The following ANKRD26 variants were observed in gnomAD, a reference collection of about 807,000 sequenced individuals.
ANKRD26 encodes ankyrin repeat domain-containing protein 26.
In ANKRD26, 141 loss-of-function variants were observed where a neutral mutation model predicts 208.7. That is an observed-to-expected ratio of 0.68 (90% CI 0.59 to 0.78). The LOEUF is 0.78. Ranked by LOEUF, ANKRD26 falls within the 30% of genes least tolerant of loss-of-function variation. The pLI is 0.00. For missense variants in ANKRD26, 1,889 were observed against 1,938.7 expected, an observed-to-expected ratio of 0.97 and a Z score of 0.48; for synonymous variants, 636 against 660.4, an observed-to-expected ratio of 0.96 and a Z score of 0.57.
intron 32 of ANKRD26, among the ~76,000 whole-genome samples, chr10:27,010,184 C>G (rs1387173090): frequency 2.0e-5 from 3 of 152,058 alleles, no homozygotes; most frequent in Non-Finnish European, 4.4e-5. Flanking sequence ...GTCACTTGAC[C>G]TGACAGAATG....
chr10:26,959,892 C>A, the ANKRD26 span, among the ~76,000 whole-genome samples: 4 of 152,016 alleles, frequency 2.6e-5, no homozygotes, highest in Non-Finnish European at 4.4e-5. Context: ...TTAATTGATG[C>A]GTATATGTTT....
At chr10:27,075,406 T>C in intron 9 of ANKRD26, among the ~76,000 whole-genome samples, 1 of 152,142 alleles carries the variant, frequency 6.6e-6, no homozygotes, top group Non-Finnish European at 1.5e-5. Flanking sequence ...AAAAGATATT[T>C]CACACAAAGA....
At chr10:26,948,524 C>A in the ANKRD26 span, among the ~76,000 whole-genome samples, 1 of 152,100 alleles carries the variant, frequency 6.6e-6, no homozygotes, top group Non-Finnish European at 1.5e-5. Flanking sequence ...GATGCCAATC[C>A]CTCATTTGGT....
At position 27,022,767 on chromosome 10, in the gene ANKRD26, T is replaced by C. The variant is rs930693218; in HGVS notation, c.4086-80A>G. The C allele has an allele frequency of 1.2e-4, 163 of 1,321,336 alleles. No individual in the cohort carries two copies. Among genetic ancestry groups the C allele is most frequent in the Middle Eastern group, 2.1e-4 (1 of 4,764 alleles). 81.9% of individuals were successfully genotyped at this position (1,321,336 alleles called of 1,614,324 possible). ...AATTATTTAAACAGATATTATGTTT[T>C]AGCATGTAAGAAAAACAAATGAATC... On this transcript the variant is annotated intron_variant, in intron 28 of 33. Coordinates refer to ENST00000376087, the MANE Select transcript of ANKRD26 (RefSeq NM_014915.3).
intron 9 of ANKRD26, among the ~76,000 whole-genome samples, chr10:27,069,088 G>C (rs773285812): frequency 1.3e-5 from 2 of 150,986 alleles, no homozygotes; most frequent in Non-Finnish European, 2.9e-5. Context: ...CTGGCTACTC[G>C]GGAGGCTGAT....
At chr10:26,978,862 T>C (rs902550526) in intron 5 of ANKRD26, among the ~76,000 whole-genome samples, 1 of 152,210 alleles carries the variant, frequency 6.6e-6, no homozygotes, top group African/African-American at 2.4e-5. Flanking sequence ...GATTCATAAG[T>C]GTTGAGGCCT....
intron 25 of ANKRD26, among the ~76,000 whole-genome samples, chr10:27,029,781 G>T (rs1392977715): frequency 6.6e-6 from 1 of 152,130 alleles, no homozygotes; most frequent in East Asian, 1.9e-4. Flanking sequence ...GAATGACCAT[G>T]GCAATGCCAG....
chr10:27,079,698 C>G (rs71483827), intron 6 of ANKRD26, among the ~76,000 whole-genome samples: 12,148 of 151,864 alleles, frequency 0.08, 692 homozygotes, highest in East Asian at 0.28. Flanking sequence ...TACTAAAATA[C>G]AAAAATTAAC....
At position 27,100,443 on chromosome 10, in the gene ANKRD26, C is replaced by T. The variant is rs560384691; in HGVS notation, c.-117G>A. On this transcript the variant is annotated 5_prime_UTR_variant, in exon 1 of 34. Transcript: ENST00000376087. ...CCGCAGCCTCCCAAAGGAAACTCCG[C>T]GGTTTCCAATCTCTCCCTCCGGGTT... 61 of 1,455,944 alleles carry T rather than the reference C, an allele frequency of 4.2e-5. No homozygotes were observed. The highest frequency in any genetic ancestry group is 2.7e-4 in the African/African-American group (19 of 71,046). 90.2% of individuals were successfully genotyped at this position (1,455,944 alleles called of 1,614,324 possible).
At chr10:27,038,769 A>C (rs1432380824) in intron 21 of ANKRD26, among the ~76,000 whole-genome samples, 1 of 152,182 alleles carries the variant, frequency 6.6e-6, no homozygotes, top group Non-Finnish European at 1.5e-5. Flanking sequence ...ATAGAAATAT[A>C]TTTTTGTTTT....
intron 16 of ANKRD26, chr10:27,052,320 T>C (rs2054691271): frequency 3.7e-6 from 1 of 269,524 alleles, no homozygotes; most frequent in South Asian, 1.4e-4. Context: ...AGTTTATCAC[T>C]GTTCCTTTGG....
chr10:27,001,123 C>T (rs988341217), downstream of ANKRD26, among the ~76,000 whole-genome samples: 12 of 152,260 alleles, frequency 7.9e-5, no homozygotes, highest in South Asian at 2.1e-4. Context: ...TTGTAGAGCT[C>T]GGCATGTTGA....
chr10:27,023,593 G>A lies in ANKRD26; in HGVS notation c.4085+854C>T, dbSNP rs543050959. On this transcript the variant is annotated intron_variant, in intron 28 of 33. Transcript: ENST00000376087. ...GAAAGGAAATGAGCAGAGAAAGCAT[G>A]TATAAAGACACAAAGGCTGCTTTCA... 1.8e-4 allele frequency among the ~76,000 whole-genome samples: 28 copies of A among 152,252 alleles called. No homozygotes were observed. In the South Asian group the frequency reaches 5.6e-3, roughly 30 times the overall value.
chr10:26,995,815 G>C (rs912484548), intron 4 of ANKRD26, among the ~76,000 whole-genome samples: 2 of 152,196 alleles, frequency 1.3e-5, no homozygotes, highest in Non-Finnish European at 2.9e-5. Flanking sequence ...GAGGGGAAGA[G>C]AGTGTGTCTA....
chr10:26,956,755 G>T, the ANKRD26 span, among the ~76,000 whole-genome samples: 1 of 152,236 alleles, frequency 6.6e-6, no homozygotes, highest in East Asian at 1.9e-4. Flanking sequence ...CCATTCCACT[G>T]GCTCACCGAT....
At chr10:27,035,775 T>C in intron 23 of ANKRD26, 23 bp from the exon 24 acceptor site, 1 of 1,512,326 alleles carries the variant, frequency 6.6e-7, no homozygotes, top group Non-Finnish European at 9.2e-7. Flanking sequence ...AAGGAAACTT[T>C]GAGCTAGCAC....
intron 21 of ANKRD26, 45 bp downstream of exon 21, chr10:27,039,920 T>C: frequency 6.5e-7 from 1 of 1,549,028 alleles, no homozygotes; most frequent in Non-Finnish European, 8.9e-7. Flanking sequence ...CTATATATCT[T>C]TAGTACAAAT....
At chr10:27,070,801 G>A (rs2055457499) in intron 9 of ANKRD26, among the ~76,000 whole-genome samples, 1 of 151,970 alleles carries the variant, frequency 6.6e-6, no homozygotes, top group African/African-American at 2.4e-5. Context: ...GAGTAGCTGG[G>A]ATTATAGGCA....
intron 1 of ANKRD26, among the ~76,000 whole-genome samples, chr10:27,095,388 T>C (rs2056435106): frequency 6.6e-6 from 1 of 152,094 alleles, no homozygotes; most frequent in Admixed American, 6.6e-5. Flanking sequence ...TAAAGAGGGG[T>C]TGGGTGCAGT....
Sources: allele counts gnomAD v4.1 joint callset (sites outside exome capture counted in the v4.1 genomes callset), GRCh38; gene constraint gnomAD v4.1.1; transcripts MANE v1.5; gene names NCBI Gene and HGNC (gene_info 2026-07-23, HGNC 2026-07-21).